The following ULK4 variants were observed in gnomAD, a reference collection of about 807,000 sequenced individuals.
ULK4 encodes the protein inactive serine/threonine-protein kinase ULK4.
Under a neutral mutation model 160.6 loss-of-function variants are expected in ULK4, and 133 were observed. The observed-to-expected ratio is 0.83, with a 90% CI of 0.72 to 0.96. ULK4 has a LOEUF of 0.96. Ranked by LOEUF, ULK4 falls within the 40% of genes least tolerant of loss-of-function variation. The probability of loss-of-function intolerance (pLI) is 0.00; values close to 1 mark genes in which losing one functional copy is unlikely to be tolerated. For missense variants in ULK4, 1,580 were observed against 1,499.5 expected (o/e 1.05, Z -0.89); for synonymous variants, 534 against 539.8 (o/e 0.99, Z 0.15).
intron 32 of ULK4, among the ~76,000 whole-genome samples, chr3:41,511,481 C>G (rs1243169820): frequency 1.3e-5 from 2 of 151,968 alleles, no homozygotes; most frequent in Non-Finnish European, 1.5e-5. Flanking sequence ...CACAGAAACA[C>G]AAAAGATTAT....
chr3:41,421,768 T>C (rs577192867), intron 34 of ULK4, among the ~76,000 whole-genome samples: 1 of 152,274 alleles, frequency 6.6e-6, no homozygotes, highest in South Asian at 2.1e-4. Flanking sequence ...TATTATAGCT[T>C]CATGAAAATG....
intron 35 of ULK4, among the ~76,000 whole-genome samples, chr3:41,364,942 T>C (rs908778752): frequency 6.6e-6 from 1 of 152,176 alleles, no homozygotes; most frequent in Middle Eastern, 3.2e-3. Context: ...AAAATGCAGA[T>C]ACTGATTCTG....
intron 21 of ULK4, among the ~76,000 whole-genome samples, chr3:41,768,740 T>C (rs528616356): frequency 2.0e-5 from 3 of 152,204 alleles, no homozygotes; most frequent in Admixed American, 6.5e-5. Flanking sequence ...TTTGGGTGGT[T>C]TGTTACACAG....
chr3:41,825,525 C>T (rs943288871), intron 18 of ULK4, among the ~76,000 whole-genome samples: 1 of 152,156 alleles, frequency 6.6e-6, no homozygotes, highest in African/African-American at 2.4e-5. Context: ...GCGCAAGCCT[C>T]GGTAGCCAAT....
chr3:41,455,552 T>C lies in ULK4; in HGVS notation c.3437A>G (p.Asp1146Gly). Residue 1146 changes from aspartate to glycine, a missense_variant, in exon 34 of 37, where the codon GAC (aspartate) becomes GGC (glycine). Asp to Gly is a moderately conservative substitution (Grantham distance 94). Transcript: ENST00000301831. ...CAGAGGTCTGTTGAGCAGCAGCAGG[T>C]CTTCTGCAGCCTGAGGGTCCTCTCC... The part of the protein sequence containing the change: ...GSGEDPQAAE[D>G]LLLLNRPLTD... 8 of 1,613,952 alleles carry C rather than the reference T, an allele frequency of 5.0e-6. No individual in the cohort carries two copies. The highest frequency in any genetic ancestry group is 6.8e-6 in the Non-Finnish European group (8 of 1,179,924).
At chr3:41,894,064 A>G (rs947108857) in intron 16 of ULK4, among the ~76,000 whole-genome samples, 3 of 152,072 alleles carry the variant, frequency 2.0e-5, no homozygotes, top group Non-Finnish European at 2.9e-5. Flanking sequence ...AAAGTGGGGG[A>G]AAAAAACAGT....
At chr3:41,504,963 T>A (rs916809761) in intron 32 of ULK4, among the ~76,000 whole-genome samples, 1 of 152,058 alleles carries the variant, frequency 6.6e-6, no homozygotes, top group South Asian at 2.1e-4. Context: ...TAAACAAGCA[T>A]AATATTATCC....
At chr3:41,944,333 G>A (rs755512624) in intron 2 of ULK4, among the ~76,000 whole-genome samples, 5 of 152,152 alleles carry the variant, frequency 3.3e-5, no homozygotes, top group African/African-American at 7.2e-5. Flanking sequence ...GTAATTTCAC[G>A]GGAGGATGAG....
intron 32 of ULK4, among the ~76,000 whole-genome samples, chr3:41,488,480 C>A (rs555881832): frequency 1.2e-4 from 18 of 152,208 alleles, no homozygotes. Flanking sequence ...TTACTTTTAA[C>A]TTCATACGCT....
Position 41,437,148 on chromosome 3 carries a change from T to C in ULK4, c.3492+18349A>G, listed in dbSNP as rs544472449. Among the ~76,000 whole-genome samples the C allele has an allele frequency of 4.6e-5, 7 of 152,310 alleles. No individual in the cohort carries two copies. In the South Asian group the frequency reaches 1.4e-3, roughly 32 times the overall value. ...AACAGAACAGTATTCTGATCTTTTCTGGCAGGATTAAAGACTGAATTCTGA... is the reference window on the plus strand; with the variant it reads ...AACAGAACAGTATTCTGATCTTTTCCGGCAGGATTAAAGACTGAATTCTGA... On this transcript the variant is annotated intron_variant, in intron 34 of 36. Transcript: ENST00000301831.
chr3:41,296,067 G>C (rs1296636641), intron 35 of ULK4, among the ~76,000 whole-genome samples: 1 of 152,134 alleles, frequency 6.6e-6, no homozygotes, highest in Non-Finnish European at 1.5e-5. Flanking sequence ...TTATTACTCA[G>C]CGCTAAAAAG....
chr3:41,264,134 T>C (rs752766896), intron 35 of ULK4, among the ~76,000 whole-genome samples: 1 of 152,064 alleles, frequency 6.6e-6, no homozygotes, highest in Non-Finnish European at 1.5e-5. Flanking sequence ...GGGACTTATA[T>C]TGTAAAAAGG....
At position 41,954,755 on chromosome 3, in the gene ULK4, T is replaced by C. The variant is rs1355654600; in HGVS notation, c.5A>G (p.Glu2Gly). The C allele has an allele frequency of 1.9e-6, 3 of 1,611,312 alleles. No homozygotes were observed. The highest frequency in any genetic ancestry group is 2.5e-6 in the Non-Finnish European group (3 of 1,178,990). ...GATCTCCTCATACAGAATAAAGTTT[T>C]CCATCTCTGGGCCGACTTCTCACAT... M[E>G]NFILYEEIGR... is the part of the protein sequence containing the mutation. The change falls in exon 2 of 37, where the codon GAA becomes GGA. Residue 2 changes from glutamate (E) to glycine (G), a missense_variant. By Grantham distance (98) the Glu-to-Gly change is moderately conservative (BLOSUM62 -2). Coordinates refer to ENST00000301831, the MANE Select transcript of ULK4 (RefSeq NM_017886.4).
intron 32 of ULK4, among the ~76,000 whole-genome samples, chr3:41,540,554 G>C (rs539937318): frequency 3.3e-4 from 51 of 152,296 alleles, no homozygotes; most frequent in South Asian, 6.2e-4. Context: ...TATATACCCA[G>C]TAATGGGATC....
chr3:41,641,942 C>A (rs1188805243), intron 30 of ULK4, among the ~76,000 whole-genome samples: 2 of 146,988 alleles, frequency 1.4e-5, no homozygotes, highest in South Asian at 2.2e-4. Flanking sequence ...ATGGCGTGAT[C>A]TCGGCTCACT....
intron 29 of ULK4, among the ~76,000 whole-genome samples, chr3:41,680,889 A>G (rs1005338876): frequency 6.6e-6 from 1 of 152,224 alleles, no homozygotes. Flanking sequence ...TAGCTTTGAT[A>G]AAATTGACAG....
chr3:41,254,899 A>G (rs2078804881), intron 35 of ULK4, among the ~76,000 whole-genome samples: 2 of 151,502 alleles, frequency 1.3e-5, no homozygotes, highest in South Asian at 4.2e-4. Context: ...AAAAGAAAAG[A>G]AAAAAAAGAA....
chr3:41,564,446 CTTCTTTTT>C (rs2087714968), intron 32 of ULK4, among the ~76,000 whole-genome samples: 1 of 121,414 alleles, frequency 8.2e-6, no homozygotes, highest in Admixed American at 1.0e-4. Context: ...TCTTCTTCTT[CTTCTTTTT>C]TTTTTTTTTT....
chr3:41,825,949 A>C (rs567597707), intron 18 of ULK4, among the ~76,000 whole-genome samples: 2 of 152,264 alleles, frequency 1.3e-5, no homozygotes, highest in Non-Finnish European at 2.9e-5. Flanking sequence ...CATCAGACTA[A>C]CAGCGGATCT....
Sources: gnomAD v4.1 joint callset for allele counts (sites outside exome capture counted in the v4.1 genomes callset) on GRCh38, gnomAD v4.1.1 for gene constraint, MANE v1.5 for transcripts, NCBI Gene and HGNC (gene_info 2026-07-23, HGNC 2026-07-21) for gene names.